Variants in ARHGAP35 observed in about 807,000 individuals in gnomAD.
ARHGAP35 encodes the protein Rho GTPase activating protein 35.
In ARHGAP35, 15 loss-of-function variants were observed where a neutral mutation model predicts 111.1. The ratio of observed to expected loss-of-function variants is 0.13; its 90% confidence interval spans 0.09 to 0.21. The LOEUF (loss-of-function observed/expected upper bound fraction) is 0.21, where lower values mean the gene tolerates loss of function less well. ARHGAP35 is among the 10% of genes least tolerant of loss of function. The pLI is 1.00. For synonymous variants in ARHGAP35, 643 were observed against 710.3 expected, an observed-to-expected ratio of 0.91 and a Z score of 1.51; for missense variants, 1,262 against 1,873.0, an observed-to-expected ratio of 0.67 and a Z score of 6.02.
In ARHGAP35 at chr19:46,907,768, G is replaced by GC. The variant is rs578082147; in HGVS notation, c.-188-10717dup. On this transcript the variant is annotated intron_variant, in intron 1 of 6. Coordinates refer to ENST00000672722, the MANE Select transcript of ARHGAP35 (RefSeq NM_004491.5). ...CTGGGATTACAGGTGTGAGCCACCG[G>GC]CCCTTTTTCTTAGCTTCTTAGGTTG... 5.2e-3 allele frequency among the ~76,000 whole-genome samples: 798 copies of GC among 152,236 alleles called. 10 individuals carry two copies. The highest frequency in any genetic ancestry group is 0.019 in the African/African-American group (777 of 41,540).
intron 3 of ARHGAP35, among the ~76,000 whole-genome samples, chr19:46,941,011 T>G (rs1005898875): frequency 6.8e-6 from 1 of 147,268 alleles, no homozygotes; most frequent in African/African-American, 2.4e-5. Context: ...ACAGCAAGAC[T>G]GTTACTATGC....
At chr19:46,953,430 G>A (rs980549179) in intron 3 of ARHGAP35, among the ~76,000 whole-genome samples, 4 of 152,146 alleles carry the variant, frequency 2.6e-5, no homozygotes, top group Non-Finnish European at 5.9e-5. Flanking sequence ...AAGTGCAAAC[G>A]TCCAGAGGCC....
chr19:47,000,523 C>T lies in ARHGAP35; in HGVS notation c.4335C>T (p.Pro1445=), dbSNP rs374767641. ...FFYNRPITEP[P]GARPSSPSAV... is the part of the protein sequence containing the mutation. ...ACAATCGGCCCATCACCGAGCCCCC[C>T]GGCGCCAGGCCCAGCTCCCCCTCTG... The change falls in exon 7 of 7, where the codon CCC becomes CCT. Residue 1445 remains proline, a synonymous_variant. Transcript: ENST00000672722. This position sits in a 1 kb window ranked among gnomAD's most constrained non-coding sequence, Gnocchi z 6.9. The T allele has an allele frequency of 4.3e-5, 70 of 1,613,562 alleles. No individual in the cohort carries two copies. The highest frequency in any genetic ancestry group is 5.3e-5 in the Non-Finnish European group (62 of 1,179,872).
chr19:46,987,884 G>A, intron 3 of ARHGAP35, 105 bp from the exon 4 acceptor site: 2 of 1,039,252 alleles, frequency 1.9e-6, no homozygotes, highest in Non-Finnish European at 2.9e-6. Context: ...CTTGTGGTGG[G>A]CACCTCATGG....
In ARHGAP35 at chr19:46,945,282, G is replaced by T. The variant is rs138883912; in HGVS notation, c.3826+7874G>T. Among the ~76,000 whole-genome samples, 912 of 152,266 alleles carry T rather than the reference G, an allele frequency of 6.0e-3. 5 individuals carry two copies. The highest frequency in any genetic ancestry group is 0.02 in the South Asian group (97 of 4,824). Reference sequence around the variant, plus strand: ...CAGTTTTCATCTTTGTGGAAAATTGGTTGAGGCAATGGAGTCACTGCTCCC... The same window carrying T: ...CAGTTTTCATCTTTGTGGAAAATTGTTTGAGGCAATGGAGTCACTGCTCCC... On this transcript the variant is annotated intron_variant, in intron 3 of 6. Transcript: ENST00000672722. The surrounding 1 kb of genome is among the most constrained non-coding windows in gnomAD (Gnocchi z 4.1).
At chr19:46,867,573 C>A (rs544620010) in intron 1 of ARHGAP35, among the ~76,000 whole-genome samples, 1 of 152,314 alleles carries the variant, frequency 6.6e-6, no homozygotes, top group South Asian at 2.1e-4. Context: ...GGTTCCCATT[C>A]TGCCTTATTT....
At chr19:46,941,069 A>C (rs550979559) in intron 3 of ARHGAP35, among the ~76,000 whole-genome samples, 2 of 147,740 alleles carry the variant, frequency 1.4e-5, no homozygotes, top group Admixed American at 6.8e-5. Context: ...TCCCTCTCCC[A>C]CTCCCTTCTT....
chr19:46,898,654 A>G (rs1192493106), intron 1 of ARHGAP35, among the ~76,000 whole-genome samples: 1 of 152,210 alleles, frequency 6.6e-6, no homozygotes, highest in Admixed American at 6.5e-5. Context: ...ACTTAAATGC[A>G]AGGGATTTAT....
chr19:46,994,258 A>G lies in ARHGAP35; in HGVS notation c.4036+4583A>G, dbSNP rs1175581078. 2.0e-5 allele frequency among the ~76,000 whole-genome samples: 3 copies of G among 152,026 alleles called. No individual in the cohort carries two copies. Among genetic ancestry groups the G allele is most frequent in the Non-Finnish European group, 2.9e-5 (2 of 67,964 alleles). The stretch of plus-strand genomic sequence containing the variant: ...TGCTGTTTCTTTGGCCAGTGTAGAC[A>G]CCTGGCCGGGCGGGCTACCTATTGA... On this transcript the variant is annotated intron_variant, in intron 5 of 6. Coordinates refer to ENST00000672722, the MANE Select transcript of ARHGAP35 (RefSeq NM_004491.5). This position sits in a 1 kb window ranked among gnomAD's most constrained non-coding sequence, Gnocchi z 5.4.
intron 3 of ARHGAP35, among the ~76,000 whole-genome samples, chr19:46,961,585 T>C (rs2056482637): frequency 6.6e-6 from 1 of 152,184 alleles, no homozygotes; most frequent in African/African-American, 2.4e-5. Context: ...GTATACTGTA[T>C]ATTTTATTTC....
At chr19:46,952,277 CATTT>C (rs150126216) in intron 3 of ARHGAP35, among the ~76,000 whole-genome samples, 1,913 of 152,208 alleles carry the variant, frequency 0.013, 41 homozygotes, top group African/African-American at 0.043. Flanking sequence ...ATGAGTGTGT[CATTT>C]ATTACATTAA....
chr19:47,000,872 G>A lies in ARHGAP35; in HGVS notation c.*184G>A. ...ATCGGCTGGGCTGCCAGGTACCCTG[G>A]GCCTGGCGCTGCAGACCTGAGCTGG... On this transcript the variant is annotated 3_prime_UTR_variant, in exon 7 of 7. Coordinates refer to ENST00000672722, the MANE Select transcript of ARHGAP35 (RefSeq NM_004491.5). This position sits in a 1 kb window ranked among gnomAD's most constrained non-coding sequence, Gnocchi z 6.9. 2 of 1,535,168 alleles carry A rather than the reference G, an allele frequency of 1.3e-6. No homozygotes were observed. Among genetic ancestry groups the A allele is most frequent in the Non-Finnish European group, 1.7e-6 (2 of 1,146,410 alleles).
chr19:46,865,226 G>A (rs548692548), intron 1 of ARHGAP35, among the ~76,000 whole-genome samples: 40 of 152,244 alleles, frequency 2.6e-4, no homozygotes, highest in African/African-American at 7.9e-4. Context: ...AGGAGATGGC[G>A]GTAGACAACT....
At chr19:46,972,452 A>G (rs1301731740) in intron 3 of ARHGAP35, among the ~76,000 whole-genome samples, 1 of 152,224 alleles carries the variant, frequency 6.6e-6, no homozygotes, top group Non-Finnish European at 1.5e-5. Flanking sequence ...CTGCTGGTGA[A>G]CTAACTCCCA....
At chr19:46,990,117 C>A (rs1465844035) in intron 5 of ARHGAP35, among the ~76,000 whole-genome samples, 1 of 152,254 alleles carries the variant, frequency 6.6e-6, no homozygotes, top group African/African-American at 2.4e-5. Flanking sequence ...TACCTGTCTT[C>A]TCCTACCTCT....
At chr19:46,885,166 T>C (rs535296323) in intron 1 of ARHGAP35, among the ~76,000 whole-genome samples, 2 of 152,316 alleles carry the variant, frequency 1.3e-5, no homozygotes, top group Admixed American at 6.5e-5. Context: ...CCCCTTCTTA[T>C]AGTCAACACA....
At chr19:46,929,061 T>C (rs955092506) in intron 2 of ARHGAP35, among the ~76,000 whole-genome samples, 1 of 152,140 alleles carries the variant, frequency 6.6e-6, no homozygotes, top group African/African-American at 2.4e-5. Context: ...TGTTCATCCG[T>C]AAATAAAGAT....
chr19:46,891,738 T>C (rs927135437), intron 1 of ARHGAP35, among the ~76,000 whole-genome samples: 1 of 152,208 alleles, frequency 6.6e-6, no homozygotes, highest in African/African-American at 2.4e-5. Context: ...GCAAAGGTTC[T>C]TAATCCAGGG....
chr19:46,889,281 T>A (rs1428135696), intron 1 of ARHGAP35, among the ~76,000 whole-genome samples: 1 of 151,958 alleles, frequency 6.6e-6, no homozygotes, highest in Non-Finnish European at 1.5e-5. Context: ...CTGGCCGACA[T>A]GGTGAAACCC....
Sources: gnomAD v4.1 joint callset for allele counts (sites outside exome capture counted in the v4.1 genomes callset) on GRCh38, gnomAD v4.1.1 for gene constraint, Gnocchi (gnomAD v3.1) non-coding constraint, MANE v1.5 for transcripts, NCBI Gene and HGNC (gene_info 2026-07-23, HGNC 2026-07-21) for gene names.